The following FABP12 variants were observed in gnomAD, a reference collection of about 807,000 sequenced individuals.
The protein encoded by FABP12 is fatty acid binding protein 12, also known as fatty acid-binding protein 12.
FABP12 carries 19 observed loss-of-function variants against 13.7 expected under a neutral mutation model. That is an observed-to-expected ratio of 1.39 (90% CI 0.97 to 2.04). The LOEUF (loss-of-function observed/expected upper bound fraction) is 2.04, where lower values mean the gene tolerates loss of function less well. Among genes scored for constraint, FABP12 ranks in the 30% most tolerant of loss-of-function variants. The probability of loss-of-function intolerance (pLI) is 0.00; values close to 1 mark genes in which losing one functional copy is unlikely to be tolerated. For missense variants in FABP12, 182 were observed against 164.2 expected (o/e 1.11, Z -0.59); for synonymous variants, 61 against 57.0 (o/e 1.07, Z -0.32).
intron 1 of FABP12, among the ~76,000 whole-genome samples, chr8:81,552,628 G>A (rs192358481): frequency 1.0e-3 from 154 of 152,262 alleles, no homozygotes; most frequent in African/African-American, 3.7e-3. Flanking sequence ...ATTTGTGAGA[G>A]ATTTAAGAAG....
At chr8:81,536,241 G>A (rs1022924579), upstream of FABP12, among the ~76,000 whole-genome samples, 2 of 152,018 alleles carry the variant, frequency 1.3e-5, no homozygotes, top group African/African-American at 4.8e-5. Flanking sequence ...CAGTAAATAC[G>A]GAACATAATT....
At chr8:81,585,874 C>T (rs1450152719) in intron 1 of FABP12, among the ~76,000 whole-genome samples, 1 of 152,062 alleles carries the variant, frequency 6.6e-6, no homozygotes, top group Admixed American at 6.5e-5. Context: ...AAAGGGTGCA[C>T]ATGCAGGTTT....
intron 1 of FABP12, among the ~76,000 whole-genome samples, chr8:81,540,223 A>T (rs1332746350): frequency 6.6e-6 from 1 of 152,256 alleles, no homozygotes; most frequent in Non-Finnish European, 1.5e-5. Context: ...TCAGAAACTG[A>T]AAAAAGAGCA....
Position 81,578,823 on chromosome 8 carries a change from G to GTTTCTTTTTTTTTTTTTTTTTT in FABP12, c.-185+11229_-185+11230insAAAAAAAAAAAAAAAAAAGAAA, listed in dbSNP as rs71268012. ...TACAGAATCTGACACATTTGTTCAA[G>GTTTCTTTTTTTTTTTTTTTTTT]TTTTTTTTTTTTTTTTTTTGAGAAG... On this transcript the variant is annotated intron_variant, in intron 1 of 5. Coordinates refer to the FABP12 transcript ENST00000692030. Among the ~76,000 whole-genome samples, 7 of 105,660 alleles carry GTTTCTTTTTTTTTTTTTTTTTT rather than the reference G, an allele frequency of 6.6e-5. 1 individual carries two copies. The highest frequency in any genetic ancestry group is 2.8e-4 in the African/African-American group (7 of 24,606). The allele number at this position is 105,660 out of a possible 152,430, so 69.3% of individuals were successfully genotyped here. A position where few individuals can be genotyped will look rare whatever the true frequency, so the allele number is the denominator to read the frequency against.
chr8:81,579,362 G>A (rs551131405), intron 1 of FABP12, among the ~76,000 whole-genome samples: 2 of 151,984 alleles, frequency 1.3e-5, no homozygotes, highest in African/African-American at 2.4e-5. Context: ...TAGATAAAAC[G>A]ACTGAAGACC....
At chr8:81,571,065 C>CG (rs879905320) in intron 1 of FABP12, among the ~76,000 whole-genome samples, 59 of 152,060 alleles carry the variant, frequency 3.9e-4, no homozygotes, top group African/African-American at 1.3e-3. Context: ...CTCAGTCCCC[C>CG]CACCCCACTT....
At chr8:81,581,381 C>A (rs562566672) in intron 1 of FABP12, among the ~76,000 whole-genome samples, 3 of 152,114 alleles carry the variant, frequency 2.0e-5, no homozygotes, top group Non-Finnish European at 2.9e-5. Flanking sequence ...GAATTCCCTA[C>A]CCATGACTAA....
intron 1 of FABP12, among the ~76,000 whole-genome samples, chr8:81,561,735 G>T (rs184822957): frequency 2.7e-4 from 41 of 152,298 alleles, no homozygotes; most frequent in Non-Finnish European, 2.8e-4. Context: ...GGTGCCCACA[G>T]AGGGAGAACT....
intron 1 of FABP12, among the ~76,000 whole-genome samples, chr8:81,564,907 A>G (rs1237642682): frequency 6.6e-6 from 1 of 152,044 alleles, no homozygotes; most frequent in Non-Finnish European, 1.5e-5. Flanking sequence ...GTGGATTAAA[A>G]AACAGGACCC....
At chr8:81,539,101 G>A (rs10113431) in intron 2 of FABP12, among the ~76,000 whole-genome samples, 98,235 of 151,980 alleles carry the variant, frequency 0.65, 34,803 homozygotes, top group Admixed American at 0.79. Flanking sequence ...TGCCCACCTC[G>A]GCCTCCCAAT....
Position 81,527,644 on chromosome 8 carries a change from G to C in FABP12, c.247-523C>G, listed in dbSNP as rs1001094814. ...CCCAAAGCACTGGGATTACAGGCAT[G>C]AGCCACCACACCCGGCCATGAAATG... is the stretch of plus-strand genomic sequence containing the variant. On this transcript the variant is annotated intron_variant, in intron 3 of 4. Transcript: ENST00000360464. Among the ~76,000 whole-genome samples, 6 of 152,316 alleles carry C rather than the reference G, an allele frequency of 3.9e-5. No individual in the cohort carries two copies. The South Asian group carries it at 6.2e-4, about 16-fold the overall frequency.
intron 1 of FABP12, among the ~76,000 whole-genome samples, chr8:81,575,787 T>G (rs1810033922): frequency 6.6e-6 from 1 of 152,158 alleles, no homozygotes; most frequent in African/African-American, 2.4e-5. Flanking sequence ...TCCTGTCAGA[T>G]CAGTGGCAGC....
upstream of FABP12, among the ~76,000 whole-genome samples, chr8:81,538,442 C>G (rs1418815815): frequency 1.3e-5 from 2 of 152,130 alleles, no homozygotes; most frequent in Non-Finnish European, 1.5e-5. Context: ...TTAAGGATCT[C>G]AGGTTGAGAC....
chr8:81,561,123 C>T (rs1199926669), intron 1 of FABP12, among the ~76,000 whole-genome samples: 1 of 152,146 alleles, frequency 6.6e-6, no homozygotes, highest in Non-Finnish European at 1.5e-5. Context: ...ATTTTTTCTT[C>T]CTAGTCTAGT....
intron 1 of FABP12, among the ~76,000 whole-genome samples, chr8:81,548,147 T>C (rs1338883671): frequency 6.6e-6 from 1 of 152,188 alleles, no homozygotes; most frequent in Non-Finnish European, 1.5e-5. Context: ...TTCTAAAACA[T>C]ACTGGTGCCC....
chr8:81,527,737 A>ACAATACAAT (rs1209405467), intron 3 of FABP12, among the ~76,000 whole-genome samples: 1 of 152,210 alleles, frequency 6.6e-6, no homozygotes, highest in East Asian at 1.9e-4. Flanking sequence ...AATACATTTT[A>ACAATACAAT]ACTTTCAAAA....
chr8:81,548,372 A>G (rs1809470035), intron 1 of FABP12, among the ~76,000 whole-genome samples: 1 of 152,218 alleles, frequency 6.6e-6, no homozygotes, highest in Non-Finnish European at 1.5e-5. Flanking sequence ...CACACTTAGA[A>G]AACTATTTTA....
At chr8:81,526,870 C>T (rs539028086) in intron 4 of FABP12, 150 bp downstream of exon 4, 39 of 569,036 alleles carry the variant, frequency 6.9e-5, no homozygotes, top group Admixed American at 5.1e-4. Flanking sequence ...ATAATGCTTA[C>T]GATTATACAT....
At chr8:81,530,635 G>A (rs151257468) in intron 2 of FABP12, among the ~76,000 whole-genome samples, 3 of 152,294 alleles carry the variant, frequency 2.0e-5, no homozygotes, top group African/African-American at 4.8e-5. Context: ...AGATATTCAC[G>A]TCTTAATCCC....
Sources: gnomAD v4.1 joint callset for allele counts (sites outside exome capture counted in the v4.1 genomes callset) on GRCh38, gnomAD v4.1.1 for gene constraint, MANE v1.5 for transcripts, NCBI Gene and HGNC (gene_info 2026-07-23, HGNC 2026-07-21) for gene names.